NRXN1: variants seen among roughly 807,000 people sequenced by gnomAD.
NRXN1 encodes neurexin-1.
Under a neutral mutation model 150.9 loss-of-function variants are expected in NRXN1, and 39 were observed. The observed-to-expected ratio is 0.26, with a 90% CI of 0.20 to 0.34. The LOEUF is 0.34. NRXN1 is among the 10% of genes least tolerant of loss of function. The probability of loss-of-function intolerance (pLI) is 1.00; values close to 1 mark genes in which losing one functional copy is unlikely to be tolerated. For synonymous variants in NRXN1, 924 were observed against 757.0 expected, an observed-to-expected ratio of 1.22 and a Z score of -3.62; for missense variants, 1,815 against 1,949.9, an observed-to-expected ratio of 0.93 and a Z score of 1.30.
chr2:50,423,502 G>A lies in NRXN1; in HGVS notation c.3364+41940C>T, dbSNP rs751453149. The stretch of plus-strand genomic sequence containing the variant: ...AAGAAGTCACCTTAAGAAGAAAAAC[G>A]ACTAGAAAAGAAAAACGAGAGAGCA... On this transcript the variant is annotated intron_variant, in intron 17 of 22. Transcript: ENST00000401669. Among the ~76,000 whole-genome samples the A allele has an allele frequency of 9.2e-5, 14 of 152,188 alleles. 1 individual carries two copies. Among genetic ancestry groups the A allele is most frequent in the African/African-American group, 3.1e-4 (13 of 41,534 alleles).
intron 17 of NRXN1, among the ~76,000 whole-genome samples, chr2:50,454,771 G>T (rs2087370165): frequency 6.6e-6 from 1 of 151,416 alleles, no homozygotes; most frequent in Non-Finnish European, 1.5e-5. Context: ...AGTGTTATGA[G>T]AAATAATACC....
chr2:50,716,247 G>A (rs1007991497), intron 5 of NRXN1, among the ~76,000 whole-genome samples: 1 of 152,126 alleles, frequency 6.6e-6, no homozygotes, highest in Non-Finnish European at 1.5e-5. Flanking sequence ...AGAATTAGCA[G>A]AAGAGAGACT....
At chr2:50,365,551 T>A (rs11676183) in intron 17 of NRXN1, among the ~76,000 whole-genome samples, 17,400 of 152,078 alleles carry the variant, frequency 0.11, 1,080 homozygotes, top group Non-Finnish European at 0.13. Context: ...ACAAAAAGTC[T>A]TCATAGCTAA....
At chr2:50,060,038 A>T (rs1477297526) in intron 19 of NRXN1, among the ~76,000 whole-genome samples, 1 of 152,152 alleles carries the variant, frequency 6.6e-6, no homozygotes, top group Non-Finnish European at 1.5e-5. Flanking sequence ...GAAGAGGGCC[A>T]CTGTCCTCCA....
intron 21 of NRXN1, among the ~76,000 whole-genome samples, chr2:50,021,370 A>ATGGAAACTTCTT (rs1223452662): frequency 6.6e-6 from 1 of 152,172 alleles, no homozygotes; most frequent in African/African-American, 2.4e-5. Context: ...GTATAGCAGG[A>ATGGAAACTTCTT]TGGAAACTTC....
chr2:50,523,586 A>C (rs1019585997), intron 12 of NRXN1, among the ~76,000 whole-genome samples: 2 of 152,130 alleles, frequency 1.3e-5, no homozygotes, highest in African/African-American at 4.8e-5. Context: ...GCATTCTTTT[A>C]TTGCTTTCCA....
At chr2:50,742,644 A>G (rs920558585) in intron 5 of NRXN1, among the ~76,000 whole-genome samples, 2 of 151,854 alleles carry the variant, frequency 1.3e-5, no homozygotes, top group African/African-American at 4.8e-5. Context: ...ACCCAAGTCT[A>G]TATGATTATA....
At chr2:50,481,547 C>G (rs934644279) in intron 15 of NRXN1, among the ~76,000 whole-genome samples, 2 of 152,060 alleles carry the variant, frequency 1.3e-5, no homozygotes, top group Non-Finnish European at 2.9e-5. Context: ...TTTCAATTGT[C>G]TCCCACAAAG....
chr2:50,801,299 T>C (rs1707551465), intron 5 of NRXN1, among the ~76,000 whole-genome samples: 1 of 152,194 alleles, frequency 6.6e-6, no homozygotes, highest in South Asian at 2.1e-4. Context: ...GATAAAAATG[T>C]ACCTATGACA....
intron 18 of NRXN1, among the ~76,000 whole-genome samples, chr2:50,179,256 C>T (rs1343485185): frequency 6.6e-6 from 1 of 152,014 alleles, no homozygotes; most frequent in East Asian, 1.9e-4. Flanking sequence ...GGTAAACATC[C>T]CTAACCTGTC....
intron 17 of NRXN1, among the ~76,000 whole-genome samples, chr2:50,416,146 T>C (rs567782189): frequency 2.0e-4 from 30 of 152,138 alleles, no homozygotes; most frequent in African/African-American, 7.0e-4. Flanking sequence ...ACAGAATAAC[T>C]AAGCTATATA....
chr2:50,454,715 G>A (rs1235940367), intron 17 of NRXN1, among the ~76,000 whole-genome samples: 1 of 140,920 alleles, frequency 7.1e-6, no homozygotes, highest in Non-Finnish European at 1.5e-5. Context: ...GTTAATTAAC[G>A]GATCCTCCAA....
intron 17 of NRXN1, among the ~76,000 whole-genome samples, chr2:50,420,292 A>T (rs1284654149): frequency 1.3e-5 from 2 of 150,706 alleles, no homozygotes; most frequent in Non-Finnish European, 3.0e-5. Context: ...TTATTAATAG[A>T]AAGTGAAATC....
intron 17 of NRXN1, among the ~76,000 whole-genome samples, chr2:50,433,296 C>G (rs1012422858): frequency 9.2e-5 from 14 of 152,170 alleles, no homozygotes; most frequent in Admixed American, 9.2e-4. Context: ...TTATTATTTG[C>G]AGAGTCTTCT....
intron 8 of NRXN1, among the ~76,000 whole-genome samples, chr2:50,612,550 T>C (rs918057508): frequency 6.6e-6 from 1 of 152,212 alleles, no homozygotes; most frequent in Non-Finnish European, 1.5e-5. Flanking sequence ...TGAAATTTTA[T>C]GAGAAATAAA....
chr2:49,992,741 A>C (rs1413472450), intron 21 of NRXN1, among the ~76,000 whole-genome samples: 5 of 152,350 alleles, frequency 3.3e-5, no homozygotes, highest in Non-Finnish European at 7.4e-5. Flanking sequence ...AAAACAAAAA[A>C]AGGGCCAAAA....
chr2:50,571,169 T>C (rs1219474048), intron 8 of NRXN1, among the ~76,000 whole-genome samples: 2 of 152,248 alleles, frequency 1.3e-5, no homozygotes, highest in South Asian at 2.1e-4. Flanking sequence ...AGGAAGGAGA[T>C]AGTAGTTAAA....
At chr2:50,239,260 T>A (rs1356804909) in intron 17 of NRXN1, among the ~76,000 whole-genome samples, 11 of 151,920 alleles carry the variant, frequency 7.2e-5, no homozygotes, top group African/African-American at 1.2e-4. Context: ...GATGTAGTGG[T>A]TATCTCTGAG....
At chr2:50,730,593 G>A (rs778643444) in intron 5 of NRXN1, among the ~76,000 whole-genome samples, 6 of 151,240 alleles carry the variant, frequency 4.0e-5, no homozygotes, top group Admixed American at 6.6e-5. Flanking sequence ...TTATTGTGAT[G>A]TAATGTATTG....
Sources: allele counts gnomAD v4.1 joint callset (sites outside exome capture counted in the v4.1 genomes callset), GRCh38; gene constraint gnomAD v4.1.1; transcripts MANE v1.5; gene names NCBI Gene and HGNC (gene_info 2026-07-23, HGNC 2026-07-21).